The following LRP2 variants were observed in gnomAD, a reference collection of about 807,000 sequenced individuals.
LRP2 encodes the protein low-density lipoprotein receptor-related protein 2.
A neutral mutation model predicts 531.0 loss-of-function variants in LRP2; 172 were observed. The observed-to-expected ratio is 0.32, with a 90% CI of 0.29 to 0.37. LRP2 has a LOEUF of 0.37. Among genes scored for constraint, LRP2 ranks in the 10% least tolerant of loss-of-function variants. The pLI is 1.00. For missense variants in LRP2, 5,167 were observed against 5,868.3 expected (o/e 0.88, Z 3.90); for synonymous variants, 1,992 against 2,027.6 (o/e 0.98, Z 0.47).
Position 169,182,256 on chromosome 2 carries a change from G to C in LRP2, c.9909C>G (p.His3303Gln), listed in dbSNP as rs1248689174. The change falls in exon 51 of 79, where the codon CAC becomes CAG. Residue 3303 changes from histidine (H) to glutamine (Q), a missense_variant. This residue lies in a region of LRP2 where 1,129 missense variants were observed against 1,362.7 expected (regional missense o/e 0.83). Coordinates refer to ENST00000649046, the MANE Select transcript of LRP2 (RefSeq NM_004525.3). ...GLFVSDLNGGHRRMLAQHCVD... is the reference protein window; with the variant it reads ...GLFVSDLNGGQRRMLAQHCVD... ...CACAGTGCTGGGCCAGCATGCGGCGGTGTCCACCATTGAGGTCAGAGACAA... is the reference window on the plus strand; with the variant it reads ...CACAGTGCTGGGCCAGCATGCGGCGCTGTCCACCATTGAGGTCAGAGACAA... The C allele has an allele frequency of 6.2e-7, 1 of 1,614,120 alleles. No homozygotes were observed. The highest frequency in any genetic ancestry group is 8.5e-7 in the Non-Finnish European group (1 of 1,179,974).
Position 169,216,327 on chromosome 2 carries a change from G to A in LRP2, c.5752C>T (p.Leu1918Phe). The change falls in exon 35 of 79, where the codon CTC becomes TTC. Residue 1918 changes from leucine to phenylalanine, a missense_variant. By Grantham distance (22) the Leu-to-Phe change is conservative. Coordinates refer to ENST00000649046, the MANE Select transcript of LRP2 (RefSeq NM_004525.3). ...AGAGTGACACACTCCAGGTGTTCGAGGTTCCCAGTAAAGAGAGTTTTCACA... is the reference window on the plus strand; with the variant it reads ...AGAGTGACACACTCCAGGTGTTCGAAGTTCCCAGTAAAGAGAGTTTTCACA... ...TSVKTLFTGN[L>F]EHLECVTLDI... is the part of the protein sequence containing the mutation. 1.2e-6 allele frequency: 2 copies of A among 1,613,640 alleles called. No homozygotes were observed. Among genetic ancestry groups the A allele is most frequent in the South Asian group, 1.1e-5 (1 of 91,078 alleles).
intron 21 of LRP2, 136 bp from the exon 22 acceptor site, chr2:169,245,068 T>G (rs1042312270): frequency 4.2e-6 from 4 of 951,804 alleles, no homozygotes; most frequent in Non-Finnish European, 6.6e-6. Flanking sequence ...CATCAAGTGA[T>G]GTCATCATCA....
chr2:169,223,386 T>TTGG (rs1689085736), intron 33 of LRP2, among the ~76,000 whole-genome samples: 1 of 152,210 alleles, frequency 6.6e-6, no homozygotes, highest in East Asian at 1.9e-4. Context: ...AGAACCCCAT[T>TTGG]TACTAATCAA....
chr2:169,304,741 C>A (rs558901979), intron 4 of LRP2, among the ~76,000 whole-genome samples: 1 of 151,894 alleles, frequency 6.6e-6, no homozygotes, highest in Non-Finnish European at 1.5e-5. Context: ...TAATGTCTTT[C>A]AAAAAATAAA....
intron 33 of LRP2, among the ~76,000 whole-genome samples, chr2:169,222,926 T>C (rs1689070997): frequency 6.6e-6 from 1 of 152,170 alleles, no homozygotes; most frequent in Admixed American, 6.6e-5. Flanking sequence ...TCCCCTCACT[T>C]ATACCTCTGC....
intron 1 of LRP2, among the ~76,000 whole-genome samples, chr2:169,356,588 T>C: frequency 6.6e-6 from 1 of 152,278 alleles, no homozygotes. Context: ...TCCCAGATAA[T>C]AAATGGCAGA....
At chr2:169,269,051 G>A (rs1035926193) in intron 16 of LRP2, among the ~76,000 whole-genome samples, 1 of 152,216 alleles carries the variant, frequency 6.6e-6, no homozygotes, top group African/African-American at 2.4e-5. Context: ...TACAAGGGAT[G>A]TGAAGGACCT....
Position 169,137,511 on chromosome 2 carries a change from A to G in LRP2, c.13519-18T>C, listed in dbSNP as rs1031924195. On this transcript the variant is annotated intron_variant, in intron 75 of 78. Coordinates refer to ENST00000649046, the MANE Select transcript of LRP2 (RefSeq NM_004525.3). ...TCTTCACTCTGATGGCAGAGACAGAAAGAGAGAGAGAGAGAGAGAGAGAAA... is the reference window on the plus strand; with the variant it reads ...TCTTCACTCTGATGGCAGAGACAGAGAGAGAGAGAGAGAGAGAGAGAGAAA... 1.2e-5 allele frequency: 15 copies of G among 1,275,962 alleles called. No individual in the cohort carries two copies. The African/African-American group carries it at 2.1e-4, about 18-fold the overall frequency. The allele number at this position is 1,275,962 out of a possible 1,614,324, so 79.0% of individuals were successfully genotyped here. A position where few individuals can be genotyped will look rare whatever the true frequency, so the allele number is the denominator to read the frequency against.
At chr2:169,215,398 G>C (rs79678361) in intron 35 of LRP2, among the ~76,000 whole-genome samples, 4,221 of 152,222 alleles carry the variant, frequency 0.028, 182 homozygotes, top group African/African-American at 0.094. Context: ...CAGTGAAGGT[G>C]AAATCCTATT....
At chr2:169,345,723 G>A in intron 1 of LRP2, among the ~76,000 whole-genome samples, 1 of 146,268 alleles carries the variant, frequency 6.8e-6, no homozygotes, top group African/African-American at 2.6e-5. Flanking sequence ...TGACCCCTTG[G>A]CCCCACCTCA....
chr2:169,338,321 T>A (rs1313048317), intron 1 of LRP2, among the ~76,000 whole-genome samples: 4 of 89,690 alleles, frequency 4.5e-5, no homozygotes, highest in Admixed American at 1.3e-4. Context: ...AAAGATAGAA[T>A]GTAAGAGAGA....
intron 3 of LRP2, among the ~76,000 whole-genome samples, chr2:169,309,900 T>G (rs896700156): frequency 1.3e-5 from 2 of 152,210 alleles, no homozygotes; most frequent in African/African-American, 4.8e-5. Flanking sequence ...TTTATTTCAC[T>G]GAGAATGGTT....
In LRP2 at chr2:169,206,995, T is replaced by C. The variant is rs1473646358; in HGVS notation, c.6725A>G (p.Asp2242Gly). ...CCAATAAACGTAGCCATCACTTCGGTCCACTGCCAAGCCCCGTGGTGTGAC... is the reference window on the plus strand; with the variant it reads ...CCAATAAACGTAGCCATCACTTCGGCCCACTGCCAAGCCCCGTGGTGTGAC... The part of the protein sequence containing the change: ...GIVTPRGLAV[D>G]RSDGYVYWVD... The change falls in exon 39 of 79, where the codon GAC becomes GGC. Residue 2242 changes from aspartate (D) to glycine (G), a missense_variant. Physicochemically the swap from Asp to Gly is moderately conservative, Grantham distance 94. Coordinates refer to ENST00000649046, the MANE Select transcript of LRP2 (RefSeq NM_004525.3). 6.2e-7 allele frequency: 1 copy of C among 1,614,196 alleles called. No homozygotes were observed. Among genetic ancestry groups the C allele is most frequent in the South Asian group, 1.1e-5 (1 of 91,076 alleles).
At chr2:169,310,957 C>T (rs1018570020) in intron 3 of LRP2, among the ~76,000 whole-genome samples, 1 of 152,148 alleles carries the variant, frequency 6.6e-6, no homozygotes, top group African/African-American at 2.4e-5. Flanking sequence ...GGAATTTATC[C>T]ATTTCTTCTA....
At chr2:169,319,098 A>C (rs971837059) in intron 2 of LRP2, among the ~76,000 whole-genome samples, 2 of 152,248 alleles carry the variant, frequency 1.3e-5, no homozygotes, top group African/African-American at 4.8e-5. Context: ...TCATGAACCA[A>C]AGCAACTTAA....
rs760331558 is a variant in LRP2 at position 169,185,856 on chromosome 2, G to T, written c.9492C>A (p.Ser3164Arg). The T allele has an allele frequency of 2.5e-6, 4 of 1,613,832 alleles. No individual in the cohort carries two copies. Among genetic ancestry groups the T allele is most frequent in the Non-Finnish European group, 3.4e-6 (4 of 1,179,968 alleles). Reference protein sequence around the residue: ...DECTEMPFVCSQKCENVIGSY... With the variant: ...DECTEMPFVCRQKCENVIGSY... ...AGCCTATTACATTCTCACACTTCTG[G>T]CTACAGACAAAAGGCATCTCTGTGC... Residue 3164 changes from serine (S) to arginine (R), a missense_variant, in exon 50 of 79, where the codon AGC becomes AGA. Physicochemically the swap from Ser to Arg is moderately radical, Grantham distance 110. Transcript: ENST00000649046.
chr2:169,233,930 G>A (rs910169738), intron 29 of LRP2, among the ~76,000 whole-genome samples: 1 of 152,098 alleles, frequency 6.6e-6, no homozygotes, highest in Non-Finnish European at 1.5e-5. Context: ...GATGGAACTA[G>A]AGAGCTTAGA....
intron 16 of LRP2, among the ~76,000 whole-genome samples, chr2:169,264,265 TA>T (rs1306479971): frequency 1.3e-5 from 2 of 151,238 alleles, no homozygotes; most frequent in Non-Finnish European, 2.9e-5. Flanking sequence ...TAAATAAAAA[TA>T]AAAAAATTAA....
intron 3 of LRP2, among the ~76,000 whole-genome samples, chr2:169,317,773 T>C (rs530744428): frequency 1.3e-4 from 19 of 151,714 alleles, no homozygotes; most frequent in African/African-American, 4.6e-4. Flanking sequence ...CCAACATTAC[T>C]TCTCATCTAA....
Sources: gnomAD v4.1 joint callset for allele counts (sites outside exome capture counted in the v4.1 genomes callset) on GRCh38, gnomAD v4.1.1 for gene constraint, gnomAD v4.1.1 regional missense constraint, MANE v1.5 for transcripts, NCBI Gene and HGNC (gene_info 2026-07-23, HGNC 2026-07-21) for gene names.